Variants in PRR12 observed in about 807,000 individuals in gnomAD.
PRR12 encodes the protein proline rich 12.
Under a neutral mutation model 138.0 loss-of-function variants are expected in PRR12, and 12 were observed. The ratio of observed to expected loss-of-function variants is 0.09; its 90% confidence interval spans 0.06 to 0.14. The LOEUF is 0.14. PRR12 is among the 10% of genes least tolerant of loss of function. The pLI, the probability that PRR12 is intolerant of heterozygous loss-of-function variation, is 1.00. For missense variants in PRR12, 2,692 were observed against 2,861.3 expected (o/e 0.94, Z 1.35); for synonymous variants, 1,567 against 1,291.7 (o/e 1.21, Z -4.57).
chr19:49,608,590 C>T (rs182374665), intron 6 of PRR12, among the ~76,000 whole-genome samples: 195 of 152,124 alleles, frequency 1.3e-3, no homozygotes, highest in African/African-American at 4.4e-3. Context: ...AGGGTGGTCT[C>T]GATCTCTTGA....
At chr19:49,611,384 C>T (rs150459242) in intron 6 of PRR12, among the ~76,000 whole-genome samples, 5,990 of 151,768 alleles carry the variant, frequency 0.039, 211 homozygotes, top group African/African-American at 0.1. Context: ...CGCTTGTAAT[C>T]TCAGCACTTT....
rs1297537521 is a variant in PRR12, at chr19:49,594,995, T to A, written c.660T>A (p.Gly220=). ...GTGTCTTGGGGCCAGCTGGTCTCGG[T>A]CCAGCCCAGACCCCCCCTTACCGCC... ...GGGVLGPAGL[G]PAQTPPYRPG... The change falls in exon 4 of 14, where the codon GGT becomes GGA. Residue 220 remains glycine, a synonymous_variant. Coordinates refer to ENST00000418929, the MANE Select transcript of PRR12 (RefSeq NM_020719.3). The surrounding 1 kb of genome is among the most constrained non-coding windows in gnomAD (Gnocchi z 5.6). 1.9e-6 allele frequency: 3 copies of A among 1,599,386 alleles called. No individual in the cohort carries two copies. The highest frequency in any genetic ancestry group is 2.7e-5 in the African/African-American group (2 of 74,420).
intron 1 of PRR12, 64 bp downstream of exon 1, chr19:49,591,804 G>A: frequency 1.0e-6 from 1 of 970,254 alleles, no homozygotes; most frequent in East Asian, 3.3e-5. Context: ...GGGCCGGGCC[G>A]GGCCGGGCCG....
Position 49,624,845 on chromosome 19 carries a change from A to T in PRR12, c.5723A>T (p.Asp1908Val). 1 of 1,610,844 alleles carries T rather than the reference A, an allele frequency of 6.2e-7. No homozygotes were observed. Among genetic ancestry groups the T allele is most frequent in the East Asian group, 2.2e-5 (1 of 44,856 alleles). Residue 1908 changes from aspartate (D) to valine (V), a missense_variant and splice_region_variant, in exon 12 of 14, where the codon GAT becomes GTT. By Grantham distance (152) the Asp-to-Val change is radical. Around this residue, in one of 11 missense-constraint regions of PRR12, gnomAD observed 116 missense variants for 243.4 expected, o/e 0.48. Transcript: ENST00000418929. ...KRLSLSPALQ[D>V]ALHTFPQLQV... ...AGCTGACCCATTGGCTTCCCGCAGG[A>T]TGCTCTGCACACGTTCCCACAGCTG...
intron 6 of PRR12, among the ~76,000 whole-genome samples, chr19:49,605,162 C>T (rs2080832098): frequency 6.6e-6 from 1 of 151,276 alleles, no homozygotes; most frequent in African/African-American, 2.4e-5. Flanking sequence ...ATTCTCATTT[C>T]ATAGAGAAAG....
rs781300595 is a variant in PRR12 at position 49,599,250 on chromosome 19, G to A, written c.3679-22G>A. On this transcript the variant is annotated intron_variant, in intron 4 of 13. Transcript: ENST00000418929. This position sits in a 1 kb window ranked among gnomAD's most constrained non-coding sequence, Gnocchi z 5.0. ...GGGGCCCAGGCTACTGGGCCCTCAC[G>A]GCCCGCCACTCCCATGTCTAGATCA... The A allele has an allele frequency of 1.3e-6, 2 of 1,539,650 alleles. No homozygotes were observed. The highest frequency in any genetic ancestry group is 1.7e-6 in the Non-Finnish European group (2 of 1,144,974).
At chr19:49,600,075 T>C in intron 5 of PRR12, 137 bp downstream of exon 5, 3 of 1,020,192 alleles carry the variant, frequency 2.9e-6, no homozygotes, top group East Asian at 2.7e-5. Flanking sequence ...ATGAAGGGAC[T>C]TTCCTGATTA....
chr19:49,592,580 T>A (rs1304136337), intron 1 of PRR12, among the ~76,000 whole-genome samples: 1 of 152,006 alleles, frequency 6.6e-6, no homozygotes, highest in East Asian at 1.9e-4. Flanking sequence ...CCAACACACC[T>A]GGATTTCCCA....
Position 49,614,682 on chromosome 19 carries a change from G to T in PRR12, c.4890+33G>T, listed in dbSNP as rs376575314. The T allele has an allele frequency of 5.3e-5, 81 of 1,533,196 alleles. No individual in the cohort carries two copies. Among genetic ancestry groups the T allele is most frequent in the Non-Finnish European group, 6.9e-5 (78 of 1,132,392 alleles). 95.0% of individuals were successfully genotyped at this position (1,533,196 alleles called of 1,614,324 possible). ...TGCAAAGGGGACCAAGGACTTGGGG[G>T]CCCCGGGGCGTGGTATCTAGGAGCT... On this transcript the variant is annotated intron_variant, in intron 7 of 13. Coordinates refer to ENST00000418929, the MANE Select transcript of PRR12 (RefSeq NM_020719.3). This position sits in a 1 kb window ranked among gnomAD's most constrained non-coding sequence, Gnocchi z 5.0.
Position 49,594,340 on chromosome 19 carries a change from C to G in PRR12, c.200-114C>G. The G allele has an allele frequency of 5.9e-6, 6 of 1,023,964 alleles. No individual in the cohort carries two copies. Among genetic ancestry groups the G allele is most frequent in the East Asian group, 2.6e-5 (1 of 38,142 alleles). 63.4% of individuals were successfully genotyped at this position (1,023,964 alleles called of 1,614,324 possible). ...ATCTTGTTTTTGAATTTGCCCTTTT[C>G]TCTCCCATCCCCTCCTTTTCCTGAT... On this transcript the variant is annotated intron_variant, in intron 2 of 13. Transcript: ENST00000418929. This position sits in a 1 kb window ranked among gnomAD's most constrained non-coding sequence, Gnocchi z 5.6.
rs1398753279 is a variant in PRR12, at chr19:49,616,868, C to T, written c.5497+649C>T. On this transcript the variant is annotated intron_variant, in intron 9 of 13. Coordinates refer to ENST00000418929, the MANE Select transcript of PRR12 (RefSeq NM_020719.3). The surrounding 1 kb of genome is among the most constrained non-coding windows in gnomAD (Gnocchi z 4.2). ...GTTAGGCCGGGCACAGTGGCTCGCGCCTGTAATCCCAACACTTTGGGAGGC... is the reference window on the plus strand; with the variant it reads ...GTTAGGCCGGGCACAGTGGCTCGCGTCTGTAATCCCAACACTTTGGGAGGC... Among the ~76,000 whole-genome samples the T allele has an allele frequency of 6.6e-6, 1 of 152,182 alleles. No individual in the cohort carries two copies.
Position 49,599,231 on chromosome 19 carries a change from C to T in PRR12, c.3679-41C>T. On this transcript the variant is annotated intron_variant, in intron 4 of 13. Transcript: ENST00000418929. The surrounding 1 kb of genome is among the most constrained non-coding windows in gnomAD (Gnocchi z 5.0). ...CTGAGGGAGGATGGGACTGGGGGCCCAGGCTACTGGGCCCTCACGGCCCGC... is the reference window on the plus strand; with the variant it reads ...CTGAGGGAGGATGGGACTGGGGGCCTAGGCTACTGGGCCCTCACGGCCCGC... 1 of 1,505,770 alleles carries T rather than the reference C, an allele frequency of 6.6e-7. No homozygotes were observed. The highest frequency in any genetic ancestry group is 8.8e-7 in the Non-Finnish European group (1 of 1,132,180). 93.3% of individuals were successfully genotyped at this position (1,505,770 alleles called of 1,614,324 possible).
rs763839296 is a variant in PRR12, at chr19:49,625,209, C to A, written c.5964+9C>A. 6.2e-7 allele frequency: 1 copy of A among 1,608,540 alleles called. No individual in the cohort carries two copies. Among genetic ancestry groups the A allele is most frequent in the Non-Finnish European group, 8.5e-7 (1 of 1,175,070 alleles). On this transcript the variant is annotated intron_variant, in intron 13 of 13. Coordinates refer to ENST00000418929, the MANE Select transcript of PRR12 (RefSeq NM_020719.3). The surrounding 1 kb of genome is among the most constrained non-coding windows in gnomAD (Gnocchi z 5.5). ...TGCGCTGCCGGGACCAGGTGAGCCC[C>A]ACCCACAGCACCCATCGCCCTGGGA...
chr19:49,599,555 G>T lies in PRR12; in HGVS notation c.3962G>T (p.Gly1321Val). ...KSVPPSVPAR[G>V]LQPQPPATPA... The stretch of plus-strand genomic sequence containing the variant: ...GTGCCACCCTCTGTGCCAGCCCGAG[G>T]CCTGCAGCCCCAGCCCCCTGCCACC... The change falls in exon 5 of 14, where the codon GGC becomes GTC. Residue 1321 changes from glycine to valine, a missense_variant. Transcript: ENST00000418929. This position sits in a 1 kb window ranked among gnomAD's most constrained non-coding sequence, Gnocchi z 5.0. 1.3e-6 allele frequency: 2 copies of T among 1,595,540 alleles called. No individual in the cohort carries two copies. Among genetic ancestry groups the T allele is most frequent in the East Asian group, 4.5e-5 (2 of 44,078 alleles).
At position 49,601,473 on chromosome 19, in the gene PRR12, T is replaced by G. The variant is rs1442797089; in HGVS notation, c.4346-18T>G. Reference sequence around the variant, plus strand: ...AATGATGAATAACATCCAGGCCTGATGTCCCTGTCTCCCCCAGAGCCCCCG... The same window carrying G: ...AATGATGAATAACATCCAGGCCTGAGGTCCCTGTCTCCCCCAGAGCCCCCG... On this transcript the variant is annotated intron_variant, in intron 5 of 13. Coordinates refer to ENST00000418929, the MANE Select transcript of PRR12 (RefSeq NM_020719.3). The G allele has an allele frequency of 4.3e-6, 6 of 1,397,066 alleles. No individual in the cohort carries two copies. Among genetic ancestry groups the G allele is most frequent in the Admixed American group, 2.2e-5 (1 of 46,238 alleles). The allele number at this position is 1,397,066 out of a possible 1,614,324, so 86.5% of individuals were successfully genotyped here.
At chr19:49,623,445 A>G (rs1015476498) in intron 11 of PRR12, among the ~76,000 whole-genome samples, 3 of 152,048 alleles carry the variant, frequency 2.0e-5, no homozygotes, top group Admixed American at 2.0e-4. Context: ...CCTGGCTAAC[A>G]TGGTGAAACC....
chr19:49,602,710 C>T (rs1013398892), intron 6 of PRR12, among the ~76,000 whole-genome samples: 2 of 152,168 alleles, frequency 1.3e-5, no homozygotes, highest in African/African-American at 4.8e-5. Flanking sequence ...GGCCACCACA[C>T]CCGGCTGATT....
At chr19:49,592,000 C>T (rs1338652247) in intron 1 of PRR12, among the ~76,000 whole-genome samples, 4 of 152,186 alleles carry the variant, frequency 2.6e-5, no homozygotes, top group African/African-American at 9.7e-5. Context: ...GACGGGAAGG[C>T]CTTGGGAAGG....
At chr19:49,612,984 T>G (rs7258363) in intron 6 of PRR12, among the ~76,000 whole-genome samples, 52,084 of 151,626 alleles carry the variant, frequency 0.34, 9,339 homozygotes, top group African/African-American at 0.44. Context: ...AAAGACATGT[T>G]CCTTCCAGGG....
Sources: allele counts gnomAD v4.1 joint callset (sites outside exome capture counted in the v4.1 genomes callset), GRCh38; gene constraint gnomAD v4.1.1; regional missense constraint gnomAD v4.1.1; non-coding constraint Gnocchi (gnomAD v3.1); transcripts MANE v1.5; gene names NCBI Gene and HGNC (gene_info 2026-07-23, HGNC 2026-07-21).